ZBTB21: variants seen among roughly 807,000 people sequenced by gnomAD.
ZBTB21 encodes zinc finger and BTB domain-containing protein 21.
In ZBTB21, 10 loss-of-function variants were observed where a neutral mutation model predicts 39.8. The observed-to-expected ratio is 0.25, with a 90% CI of 0.16 to 0.43. The LOEUF (loss-of-function observed/expected upper bound fraction) is 0.43. Ranked by LOEUF, ZBTB21 falls within the 20% of genes least tolerant of loss-of-function variation. The probability of loss-of-function intolerance (pLI) is 1.00; values close to 1 mark genes in which losing one functional copy is unlikely to be tolerated. For synonymous variants in ZBTB21, 551 were observed against 498.8 expected (o/e 1.10, Z -1.40); for missense variants, 1,221 against 1,296.3 (o/e 0.94, Z 0.89).
chr21:41,987,758 C>T lies in ZBTB21; in HGVS notation c.*3137G>A, dbSNP rs889251080. ...AAACCCAATTTGAGACAACAAAGGC[C>T]AACTTTAGATCTGTTAATTCTTCCA... On this transcript the variant is annotated 3_prime_UTR_variant, in exon 3 of 3. Coordinates refer to ENST00000310826, the MANE Select transcript of ZBTB21 (RefSeq NM_001098402.2). 1.3e-5 allele frequency: 2 copies of T among 152,144 alleles called. No homozygotes were observed. The highest frequency in any genetic ancestry group is 3.9e-4 in the East Asian group (2 of 5,188). 9.4% of individuals were successfully genotyped at this position (152,144 alleles called of 1,614,324 possible).
At chr21:41,998,988 TTC>T (rs572662551) in intron 2 of ZBTB21, among the ~76,000 whole-genome samples, 171 of 152,372 alleles carry the variant, frequency 1.1e-3, no homozygotes, top group African/African-American at 4.0e-3. Flanking sequence ...TTCCTTTTTC[TTC>T]TCTTAGTCAT....
chr21:41,991,927 C>T lies in ZBTB21; in HGVS notation c.2169G>A (p.Gln723=), dbSNP rs2065665235. ...AGAGCTTAGCATTACAGAGGCGGCA[C>T]TGGTAAACCTCCTTGTTTTCTACTG... is the stretch of plus-strand genomic sequence containing the variant. The part of the protein sequence containing the change: ...ASPVENKEVY[Q]CRLCNAKLSS... The change falls in exon 3 of 3, where the codon CAG becomes CAA. Residue 723 remains glutamine (Q), a synonymous_variant. Transcript: ENST00000310826. The surrounding 1 kb of genome is among the most constrained non-coding windows in gnomAD (Gnocchi z 4.9). 1 of 1,614,008 alleles carries T rather than the reference C, an allele frequency of 6.2e-7. No individual in the cohort carries two copies. Among genetic ancestry groups the T allele is most frequent in the Non-Finnish European group, 8.5e-7 (1 of 1,180,038 alleles).
rs766677597 is a variant in ZBTB21 at position 41,991,857 on chromosome 21, C to A, written c.2239G>T (p.Ala747Ser). The change falls in exon 3 of 3, where the codon GCG (alanine) becomes TCG (serine). Residue 747 changes from alanine to serine, a missense_variant. Physicochemically the swap from Ala to Ser is moderately conservative, Grantham distance 99 (BLOSUM62 1). This residue lies in a region of ZBTB21 where 523 missense variants were observed against 542.5 expected (regional missense o/e 0.96). Transcript: ENST00000310826. The surrounding 1 kb of genome is among the most constrained non-coding windows in gnomAD (Gnocchi z 4.9). ...AGGCTGCAGTAAGGGCAGACGGCCG[C>A]GTTCCGGCACAGCCGCTCGTGGCTT... ...QGSHERLCRNAAVCPYCSLRF... is the reference protein window; with the variant it reads ...QGSHERLCRNSAVCPYCSLRF... The A allele has an allele frequency of 4.3e-6, 7 of 1,614,066 alleles. No individual in the cohort carries two copies. Among genetic ancestry groups the A allele is most frequent in the Non-Finnish European group, 5.1e-6 (6 of 1,180,062 alleles).
intron 1 of ZBTB21, 48 bp downstream of exon 1, chr21:42,010,204 A>G (rs2065945152): frequency 1.5e-5 from 6 of 395,982 alleles, no homozygotes; most frequent in Admixed American, 1.3e-4. Flanking sequence ...GTAGCCTCCC[A>G]AGGAGCCCCG....
chr21:42,007,621 T>G (rs184506388), intron 1 of ZBTB21, among the ~76,000 whole-genome samples: 3 of 152,330 alleles, frequency 2.0e-5, no homozygotes, highest in Admixed American at 2.0e-4. Context: ...ACTACCACAA[T>G]ACTTCATCTC....
chr21:42,001,393 T>C (rs1378010818), intron 2 of ZBTB21, among the ~76,000 whole-genome samples: 2 of 152,228 alleles, frequency 1.3e-5, no homozygotes, highest in African/African-American at 4.8e-5. Context: ...CTAGAACCCT[T>C]CTAGACATGG....
chr21:41,998,778 C>T (rs186194515), intron 2 of ZBTB21, among the ~76,000 whole-genome samples: 78 of 152,218 alleles, frequency 5.1e-4, no homozygotes, highest in African/African-American at 1.6e-3. Context: ...TGATAAGATG[C>T]GACTCAATTT....
chr21:41,991,994 T>G lies in ZBTB21; in HGVS notation c.2102A>C (p.Asn701Thr), dbSNP rs374478553. Residue 701 changes from asparagine to threonine, a missense_variant, in exon 3 of 3, where the codon AAT (asparagine) becomes ACT (threonine). Physicochemically the swap from Asn to Thr is moderately conservative, Grantham distance 65. This residue lies in a region of ZBTB21 where 523 missense variants were observed against 542.5 expected (regional missense o/e 0.96). Transcript: ENST00000310826. This position sits in a 1 kb window ranked among gnomAD's most constrained non-coding sequence, Gnocchi z 4.9. The stretch of plus-strand genomic sequence containing the variant: ...ATGCTCTTTTGGTTTAGCAACTTTA[T>G]TTACTCCAAGGGGTTTTTCTCCTGG... ...MHPGEKPLGV[N>T]KVAKPKEHAP... 17 of 1,614,234 alleles carry G rather than the reference T, an allele frequency of 1.1e-5. No homozygotes were observed. In the African/African-American group the frequency reaches 1.7e-4, roughly 16 times the overall value.
At chr21:42,002,605 T>A (rs1321324938) in intron 2 of ZBTB21, 1 of 152,232 alleles carries the variant, frequency 6.6e-6, no homozygotes, top group African/African-American at 2.4e-5. Flanking sequence ...CAAATTTCCA[T>A]GCAGGTTTTC....
At chr21:42,006,167 C>A (rs1354640916) in intron 1 of ZBTB21, among the ~76,000 whole-genome samples, 2 of 152,168 alleles carry the variant, frequency 1.3e-5, no homozygotes, top group Non-Finnish European at 1.5e-5. Context: ...GTAATCCCAG[C>A]ACTTTGGGAA....
chr21:41,993,558 T>C lies in ZBTB21; in HGVS notation c.538A>G (p.Ile180Val), dbSNP rs369209992. 1.3e-5 allele frequency: 21 copies of C among 1,614,148 alleles called. No homozygotes were observed. In the African/African-American group the frequency reaches 2.4e-4, roughly 18 times the overall value. Reference sequence around the variant, plus strand: ...TTATTGGTATTGGCCTTGACTGCAATGCTAGGAGAGGGCCGGGAAGTATGG... The same window carrying C: ...TTATTGGTATTGGCCTTGACTGCAACGCTAGGAGAGGGCCGGGAAGTATGG... Reference protein sequence around the residue: ...VSHTSRPSPSIAVKANTNKPH... With the variant: ...VSHTSRPSPSVAVKANTNKPH... Residue 180 changes from isoleucine (I) to valine (V), a missense_variant, in exon 3 of 3, where the codon ATT becomes GTT. By Grantham distance (29) the Ile-to-Val change is conservative. This residue lies in a region of ZBTB21 where 500 missense variants were observed against 465.6 expected (regional missense o/e 1.07). Transcript: ENST00000310826.
rs2065590909 is a variant in ZBTB21 at position 41,987,332 on chromosome 21, A to G, written c.*3563T>C. On this transcript the variant is annotated 3_prime_UTR_variant, in exon 3 of 3. Transcript: ENST00000310826. The stretch of plus-strand genomic sequence containing the variant: ...TAAACACCAATTTTGTCTTCTCCCC[A>G]GTCACATGGGAATGCCACAAGCTGG... 1 of 152,210 alleles carries G rather than the reference A, an allele frequency of 6.6e-6. No individual in the cohort carries two copies. Among genetic ancestry groups the G allele is most frequent in the Non-Finnish European group, 1.5e-5 (1 of 68,024 alleles). 9.4% of individuals were successfully genotyped at this position (152,210 alleles called of 1,614,324 possible). A position where few individuals can be genotyped will look rare whatever the true frequency, so the allele number is the denominator to read the frequency against.
At position 41,994,051 on chromosome 21, in the gene ZBTB21, A is replaced by C; in HGVS notation, c.45T>G (p.Ser15=). 6.2e-7 allele frequency: 1 copy of C among 1,613,366 alleles called. No individual in the cohort carries two copies. The highest frequency in any genetic ancestry group is 1.3e-5 in the African/African-American group (1 of 75,004). The change falls in exon 3 of 3, where the codon TCT becomes TCG. Residue 15 remains serine, a synonymous_variant. Coordinates refer to ENST00000310826, the MANE Select transcript of ZBTB21 (RefSeq NM_001098402.2). ...GCTCCTCATTCAGGGCACTTAGGAGAGAAATGGCGTGTGCAGGGTTGATGT... is the reference window on the plus strand; with the variant it reads ...GCTCCTCATTCAGGGCACTTAGGAGCGAAATGGCGTGTGCAGGGTTGATGT... The part of the protein sequence containing the change: ...LHYINPAHAI[S]LLSALNEERL...
At chr21:41,998,317 G>C (rs902836691) in intron 2 of ZBTB21, among the ~76,000 whole-genome samples, 1 of 151,466 alleles carries the variant, frequency 6.6e-6, no homozygotes, top group Non-Finnish European at 1.5e-5. Context: ...TCAGCCTCCT[G>C]AGTAGCTGGG....
chr21:42,008,138 G>GA (rs1213072544), intron 1 of ZBTB21: 1 of 152,066 alleles, frequency 6.6e-6, no homozygotes, highest in African/African-American at 2.4e-5. Context: ...CTATCACTGT[G>GA]ACCTGGTCAA....
chr21:42,000,168 T>C (rs1345838305), intron 2 of ZBTB21, among the ~76,000 whole-genome samples: 3 of 152,096 alleles, frequency 2.0e-5, no homozygotes, highest in African/African-American at 7.2e-5. Flanking sequence ...TCTGCCAAAA[T>C]AACTGGAAGG....
At position 41,990,076 on chromosome 21, in the gene ZBTB21, T is replaced by G. The variant is rs540317480; in HGVS notation, c.*819A>C. On this transcript the variant is annotated 3_prime_UTR_variant, in exon 3 of 3. Transcript: ENST00000310826. ...GAGGAAATGAAATATGTGCAGTCCT[T>G]CAAATGCTGGTCTGAATTTAGACTG... 6.6e-6 allele frequency: 1 copy of G among 152,358 alleles called. No individual in the cohort carries two copies. The highest frequency in any genetic ancestry group is 2.4e-5 in the African/African-American group (1 of 41,594). The allele number at this position is 152,358 out of a possible 1,614,324, so 9.4% of individuals were successfully genotyped here.
intron 1 of ZBTB21, among the ~76,000 whole-genome samples, chr21:42,006,927 C>G (rs77975390): frequency 6.6e-6 from 1 of 152,146 alleles, no homozygotes; most frequent in African/African-American, 2.4e-5. Flanking sequence ...AGAAGCCAAC[C>G]CTGCTGACAC....
Position 41,992,839 on chromosome 21 carries a change from C to T in ZBTB21, c.1257G>A (p.Glu419=), listed in dbSNP as rs2065685095. ...GCACCTCAGTCACAGGGGAAGCTCC[C>T]TCCCTGTCTGTTGACTGAGAAGCAC... ...SFSASQSTDR[E]GASPVTEVRI... is the part of the protein sequence containing the mutation. Residue 419 remains glutamate (E), a synonymous_variant, in exon 3 of 3, where the codon GAG becomes GAA. Coordinates refer to ENST00000310826, the MANE Select transcript of ZBTB21 (RefSeq NM_001098402.2). This position sits in a 1 kb window ranked among gnomAD's most constrained non-coding sequence, Gnocchi z 4.1. 1 of 1,614,070 alleles carries T rather than the reference C, an allele frequency of 6.2e-7. No homozygotes were observed. Among genetic ancestry groups the T allele is most frequent in the Non-Finnish European group, 8.5e-7 (1 of 1,180,052 alleles).
Sources: gnomAD v4.1 joint callset for allele counts (sites outside exome capture counted in the v4.1 genomes callset) on GRCh38, gnomAD v4.1.1 for gene constraint, gnomAD v4.1.1 regional missense constraint, Gnocchi (gnomAD v3.1) non-coding constraint, MANE v1.5 for transcripts, NCBI Gene and HGNC (gene_info 2026-07-23, HGNC 2026-07-21) for gene names.